PRKG1: variants seen among roughly 807,000 people sequenced by gnomAD.
PRKG1 encodes cGMP-dependent protein kinase 1.
A neutral mutation model predicts 88.1 loss-of-function variants in PRKG1; 35 were observed. The ratio of observed to expected loss-of-function variants is 0.40; its 90% CI spans 0.30 to 0.53. The LOEUF (loss-of-function observed/expected upper bound fraction) is 0.53. Among genes scored for constraint, PRKG1 ranks in the 20% least tolerant of loss-of-function variants. The probability of loss-of-function intolerance (pLI) is 0.59; values close to 1 mark genes in which losing one functional copy is unlikely to be tolerated. For synonymous variants in PRKG1, 303 were observed against 292.5 expected (o/e 1.04, Z -0.37); for missense variants, 540 against 839.8 (o/e 0.64, Z 4.41).
At chr10:51,493,610 T>TG (rs1402632173) in intron 3 of PRKG1, among the ~76,000 whole-genome samples, 3 of 152,170 alleles carry the variant, frequency 2.0e-5, no homozygotes, top group Non-Finnish European at 4.4e-5. Flanking sequence ...GGATTGATAG[T>TG]GGTTCCACTG....
chr10:51,556,544 A>G (rs1174125273), intron 3 of PRKG1, among the ~76,000 whole-genome samples: 1 of 152,060 alleles, frequency 6.6e-6, no homozygotes, highest in Non-Finnish European at 1.5e-5. Flanking sequence ...ACAGAATACT[A>G]TATAGCCATG....
chr10:52,159,119 A>G (rs1302242604), intron 8 of PRKG1, among the ~76,000 whole-genome samples: 4 of 151,572 alleles, frequency 2.6e-5, no homozygotes, highest in Non-Finnish European at 4.4e-5. Flanking sequence ...TTAGAGTCCT[A>G]TGGGTGATTT....
At chr10:51,932,445 A>G (rs1842714204) in intron 5 of PRKG1, among the ~76,000 whole-genome samples, 1 of 152,150 alleles carries the variant, frequency 6.6e-6, no homozygotes, top group Non-Finnish European at 1.5e-5. Context: ...AACTCTATGA[A>G]GTAAGTGGTA....
chr10:52,117,647 ATATT>A (rs1847720913), intron 7 of PRKG1, among the ~76,000 whole-genome samples: 1 of 152,118 alleles, frequency 6.6e-6, no homozygotes, highest in Non-Finnish European at 1.5e-5. Flanking sequence ...AAAAAATAGA[ATATT>A]TATTTTATAC....
At chr10:51,759,290 G>A (rs1193863965) in intron 3 of PRKG1, among the ~76,000 whole-genome samples, 6 of 151,352 alleles carry the variant, frequency 4.0e-5, no homozygotes, top group African/African-American at 9.7e-5. Flanking sequence ...TTTTTGAGAC[G>A]GAGTCTTGCT....
At chr10:51,831,388 C>T (rs1363752761) in intron 4 of PRKG1, among the ~76,000 whole-genome samples, 1 of 149,444 alleles carries the variant, frequency 6.7e-6, no homozygotes, top group African/African-American at 2.5e-5. Flanking sequence ...AAAAAAAAAT[C>T]ACTGGTAACA....
At chr10:51,693,685 A>C (rs528552910) in intron 3 of PRKG1, among the ~76,000 whole-genome samples, 106 of 152,256 alleles carry the variant, frequency 7.0e-4, no homozygotes, top group Non-Finnish European at 9.0e-4. Context: ...TACAGGTATA[A>C]GCCACCATGC....
At chr10:52,163,499 T>C (rs934135602) in intron 9 of PRKG1, among the ~76,000 whole-genome samples, 4 of 152,012 alleles carry the variant, frequency 2.6e-5, no homozygotes, top group African/African-American at 9.7e-5. Flanking sequence ...TGTAGACTAA[T>C]GTATTTTTGC....
intron 12 of PRKG1, among the ~76,000 whole-genome samples, chr10:52,278,497 G>A (rs1223257005): frequency 6.6e-6 from 1 of 152,112 alleles, no homozygotes; most frequent in Non-Finnish European, 1.5e-5. Flanking sequence ...TCTACTTAAA[G>A]ACACATGCAC....
At position 51,310,988 on chromosome 10, in the gene PRKG1, C is replaced by A. The variant is rs570629563; in HGVS notation, c.479-156735C>A. Among the ~76,000 whole-genome samples the A allele has an allele frequency of 7.4e-4, 112 of 152,068 alleles. 1 individual carries two copies. The highest frequency in any genetic ancestry group is 3.2e-3 in the Middle Eastern group (1 of 316). ...GTTAGGTTAGGTTGAGTCAAGAAGGCTGTTTCCAGCCTGTGCAGATCTCGG... is the reference window on the plus strand; with the variant it reads ...GTTAGGTTAGGTTGAGTCAAGAAGGATGTTTCCAGCCTGTGCAGATCTCGG... On this transcript the variant is annotated intron_variant, in intron 2 of 17. Coordinates refer to ENST00000373980, the MANE Select transcript of PRKG1 (RefSeq NM_006258.4).
intron 3 of PRKG1, among the ~76,000 whole-genome samples, chr10:51,544,256 C>T (rs1842390574): frequency 7.0e-6 from 1 of 142,956 alleles, no homozygotes; most frequent in South Asian, 2.4e-4. Context: ...CACCCTGTGT[C>T]CAAGTGTTTG....
chr10:51,547,894 A>T (rs1842478555), intron 3 of PRKG1, among the ~76,000 whole-genome samples: 1 of 152,232 alleles, frequency 6.6e-6, no homozygotes, highest in South Asian at 2.1e-4. Flanking sequence ...CTGTCACCTC[A>T]AAGTTGGTGA....
chr10:51,617,299 C>T (rs1839084646), intron 3 of PRKG1, among the ~76,000 whole-genome samples: 1 of 152,092 alleles, frequency 6.6e-6, no homozygotes, highest in Non-Finnish European at 1.5e-5. Context: ...TATCCTGTCA[C>T]TTTTCTGTTG....
intron 3 of PRKG1, among the ~76,000 whole-genome samples, chr10:51,725,259 C>T (rs957848557): frequency 4.6e-5 from 7 of 152,144 alleles, no homozygotes; most frequent in African/African-American, 1.2e-4. Context: ...ATGGCAACAA[C>T]GAAAACTTCA....
intron 7 of PRKG1, among the ~76,000 whole-genome samples, chr10:52,124,571 C>T (rs1847889271): frequency 6.6e-6 from 1 of 152,064 alleles, no homozygotes; most frequent in Admixed American, 6.6e-5. Context: ...TACTGTACAC[C>T]ACTGTAGACA....
intron 2 of PRKG1, among the ~76,000 whole-genome samples, chr10:51,371,708 T>C (rs1842710005): frequency 1.3e-5 from 2 of 152,180 alleles, no homozygotes; most frequent in Admixed American, 1.3e-4. Flanking sequence ...TCTCATCACC[T>C]GCACATCTTA....
rs370991589 is a variant in PRKG1 at position 50,991,576 on chromosome 10, C to T, written c.198C>T (p.Ala66=). The change falls in exon 1 of 18, where the codon GCC becomes GCT. Residue 66 remains alanine, a synonymous_variant. Transcript: ENST00000401604. The surrounding 1 kb of genome is among the most constrained non-coding windows in gnomAD (Gnocchi z 4.5). The stretch of plus-strand genomic sequence containing the variant: ...CCACCCGGGCGCAGGGCATCTCGGC[C>T]GAGCCGCAGACGTACAGGTCCTTCC... The T allele has an allele frequency of 2.1e-5, 34 of 1,599,522 alleles. No homozygotes were observed. Among genetic ancestry groups the T allele is most frequent in the Non-Finnish European group, 2.7e-5 (32 of 1,174,640 alleles).
At chr10:51,100,838 A>T (rs1252608988) in intron 1 of PRKG1, among the ~76,000 whole-genome samples, 1 of 152,146 alleles carries the variant, frequency 6.6e-6, no homozygotes, top group African/African-American at 2.4e-5. Context: ...AGCAAGAAGA[A>T]CTATACTCTG....
At chr10:51,418,999 T>C (rs188997347) in intron 2 of PRKG1, among the ~76,000 whole-genome samples, 34 of 152,314 alleles carry the variant, frequency 2.2e-4, no homozygotes, top group Admixed American at 5.9e-4. Context: ...AAATATGTCT[T>C]ACGTAGTTAT....
Sources: gnomAD v4.1 joint callset for allele counts (sites outside exome capture counted in the v4.1 genomes callset) on GRCh38, gnomAD v4.1.1 for gene constraint, Gnocchi (gnomAD v3.1) non-coding constraint, MANE v1.5 for transcripts, NCBI Gene and HGNC (gene_info 2026-07-23, HGNC 2026-07-21) for gene names.